The following DNAAF9 variants were observed in gnomAD, a reference collection of about 807,000 sequenced individuals.
DNAAF9 encodes the protein dynein axonemal assembly factor 9.
DNAAF9 carries 90 observed loss-of-function variants against 167.0 expected under a neutral mutation model. The ratio of observed to expected loss-of-function variants is 0.54; its 90% CI spans 0.45 to 0.64. The LOEUF (loss-of-function observed/expected upper bound fraction) is 0.64. DNAAF9 is among the 30% of genes least tolerant of loss of function. The pLI, the probability that DNAAF9 is intolerant of heterozygous loss-of-function variation, is 0.00. For synonymous variants in DNAAF9, 491 were observed against 508.8 expected, an observed-to-expected ratio of 0.96 and a Z score of 0.47; for missense variants, 1,315 against 1,442.2, an observed-to-expected ratio of 0.91 and a Z score of 1.43.
At chr20:3,332,561 C>G (rs944440343) in intron 10 of DNAAF9, among the ~76,000 whole-genome samples, 200 bp from the exon 11 acceptor site, 4 of 151,472 alleles carry the variant, frequency 2.6e-5, no homozygotes, top group African/African-American at 9.7e-5. Context: ...TCAAGTGATT[C>G]TCCTGCCTCA....
intron 6 of DNAAF9, among the ~76,000 whole-genome samples, chr20:3,373,061 A>G (rs1275461333): frequency 2.0e-5 from 3 of 152,180 alleles, no homozygotes; most frequent in Non-Finnish European, 4.4e-5. Context: ...ATGTTCTGCT[A>G]CTTGTAGTCA....
intron 25 of DNAAF9, among the ~76,000 whole-genome samples, chr20:3,291,205 T>G (rs558763136): frequency 6.6e-6 from 1 of 152,286 alleles, no homozygotes; most frequent in Admixed American, 6.5e-5. Context: ...ATAGGTCCCC[T>G]TTCAGGTAGA....
chr20:3,283,833 G>C (rs1040560163), intron 27 of DNAAF9, among the ~76,000 whole-genome samples: 2 of 152,204 alleles, frequency 1.3e-5, no homozygotes, highest in African/African-American at 4.8e-5. Flanking sequence ...AACGGAAAAG[G>C]ATTCACAAGT....
chr20:3,285,022 CACTCCCATTCTG>C (rs2068827079), intron 27 of DNAAF9, among the ~76,000 whole-genome samples: 1 of 152,166 alleles, frequency 6.6e-6, no homozygotes, highest in Admixed American at 6.5e-5. Context: ...TCCTGCCCTC[CACTCCCATTCTG>C]ACCTCTGTCA....
chr20:3,383,271 C>CTT lies in DNAAF9; in HGVS notation c.84-767_84-766dup, dbSNP rs11087581. On this transcript the variant is annotated intron_variant, in intron 1 of 36. Coordinates refer to ENST00000252032, the MANE Select transcript of DNAAF9 (RefSeq NM_001009984.3). ...TGCCTCTAATACTCATTCCCTAACA[C>CTT]TTTTTTTTTTTTTTTTTTTTGAGAT... Among the ~76,000 whole-genome samples, 422 of 114,322 alleles carry CTT rather than the reference C, an allele frequency of 3.7e-3. 11 individuals are homozygous for CTT. The highest frequency in any genetic ancestry group is 0.027 in the South Asian group (91 of 3,328). The allele number at this position is 114,322 out of a possible 152,430, so 75.0% of individuals were successfully genotyped here.
chr20:3,344,580 TACACACACATACAC>T (rs2070153606), intron 8 of DNAAF9, among the ~76,000 whole-genome samples: 1 of 98,284 alleles, frequency 1.0e-5, no homozygotes, highest in South Asian at 3.7e-4. Context: ...ATGGAAAAAA[TACACACACATACAC>T]ACACACACAC....
intron 1 of DNAAF9, among the ~76,000 whole-genome samples, chr20:3,404,970 G>A (rs1449501535): frequency 3.9e-5 from 6 of 152,154 alleles, no homozygotes; most frequent in Non-Finnish European, 8.8e-5. Context: ...TGACTGATGG[G>A]TGGCTGCCAT....
intron 25 of DNAAF9, among the ~76,000 whole-genome samples, chr20:3,291,970 A>G (rs2068963494): frequency 6.7e-6 from 1 of 149,978 alleles, no homozygotes; most frequent in South Asian, 2.1e-4. Context: ...ACAGCCAGAC[A>G]TGTTTTTACT....
At chr20:3,294,117 C>A (rs1158759822) in intron 25 of DNAAF9, 22 bp downstream of exon 25, 2 of 1,271,784 alleles carry the variant, frequency 1.6e-6, no homozygotes, top group Non-Finnish European at 1.1e-6. Flanking sequence ...GAATTCCCAG[C>A]ATATCTGGTG....
intron 24 of DNAAF9, 59 bp downstream of exon 24, chr20:3,294,469 G>A (rs2122935189): frequency 8.4e-7 from 1 of 1,190,604 alleles, no homozygotes; most frequent in Non-Finnish European, 1.3e-6. Context: ...CCAACACTGA[G>A]GTTTCCGACA....
intron 31 of DNAAF9, 34 bp from the exon 32 acceptor site, chr20:3,260,062 G>A (rs547015265): frequency 5.4e-5 from 70 of 1,295,622 alleles, no homozygotes; most frequent in South Asian, 1.8e-4. Context: ...AGTACAGGCC[G>A]GGCGCGGTGG....
At chr20:3,267,903 C>T (rs1490819906) in intron 30 of DNAAF9, among the ~76,000 whole-genome samples, 1 of 152,036 alleles carries the variant, frequency 6.6e-6, no homozygotes, top group Non-Finnish European at 1.5e-5. Flanking sequence ...AATCTCCTCT[C>T]TTCAATCAGT....
intron 10 of DNAAF9, among the ~76,000 whole-genome samples, chr20:3,335,779 T>A (rs1414466112): frequency 1.9e-5 from 2 of 104,386 alleles, no homozygotes; most frequent in Admixed American, 9.6e-5. Flanking sequence ...AAAAAAAAAA[T>A]TGTCTTCCCC....
At chr20:3,279,493 CT>C (rs1417820291) in intron 28 of DNAAF9, among the ~76,000 whole-genome samples, 3 of 152,194 alleles carry the variant, frequency 2.0e-5, no homozygotes, top group African/African-American at 7.2e-5. Flanking sequence ...GTGTGAGTTA[CT>C]TAACAACTGT....
chr20:3,277,075 C>G (rs2068686981), intron 29 of DNAAF9, among the ~76,000 whole-genome samples: 4 of 152,124 alleles, frequency 2.6e-5, no homozygotes, highest in Admixed American at 2.6e-4. Flanking sequence ...TGGAAGTATT[C>G]TCTAGCCATC....
chr20:3,292,367 A>AG (rs2068973300), intron 25 of DNAAF9, among the ~76,000 whole-genome samples: 1 of 152,216 alleles, frequency 6.6e-6, no homozygotes, highest in African/African-American at 2.4e-5. Context: ...CTCTTGCCTA[A>AG]GGGAAAAAAT....
chr20:3,371,545 G>A (rs965250726), intron 6 of DNAAF9, among the ~76,000 whole-genome samples: 8 of 151,560 alleles, frequency 5.3e-5, no homozygotes, highest in South Asian at 2.1e-4. Context: ...GGGTTTCACC[G>A]TGTTACCCAG....
Position 3,338,199 on chromosome 20 carries a change from G to C in DNAAF9, c.981+2305C>G, listed in dbSNP as rs987314805. Among the ~76,000 whole-genome samples, 7 of 151,820 alleles carry C rather than the reference G, an allele frequency of 4.6e-5. No individual in the cohort carries two copies. The East Asian group carries it at 1.2e-3, about 25-fold the overall frequency. Reference sequence around the variant, plus strand: ...TTGTTTGAGAAAGTATTTCTCTTTTGTTTCCTCCTTTTTCTTTTGAAGGAT... The same window carrying C: ...TTGTTTGAGAAAGTATTTCTCTTTTCTTTCCTCCTTTTTCTTTTGAAGGAT... On this transcript the variant is annotated intron_variant, in intron 10 of 36. Coordinates refer to ENST00000252032, the MANE Select transcript of DNAAF9 (RefSeq NM_001009984.3).
rs1324124710 is a variant in DNAAF9 at position 3,350,148 on chromosome 20, G to GACACACACACACAC, written c.691-1526_691-1525insGTGTGTGTGTGTGT. On this transcript the variant is annotated intron_variant, in intron 7 of 36. Transcript: ENST00000252032. ...AGACACACAGACACACAGACACACA[G>GACACACACACACAC]ACACACAGACACACACACACACACA... 5.9e-3 allele frequency among the ~76,000 whole-genome samples: 407 copies of GACACACACACACAC among 68,924 alleles called. 3 individuals are homozygous for GACACACACACACAC. Among genetic ancestry groups the GACACACACACACAC allele is most frequent in the Admixed American group, 7.6e-3 (49 of 6,442 alleles). The allele number at this position is 68,924 out of a possible 152,430, so 45.2% of individuals were successfully genotyped here.
Sources: gnomAD v4.1 joint callset for allele counts (sites outside exome capture counted in the v4.1 genomes callset) on GRCh38, gnomAD v4.1.1 for gene constraint, MANE v1.5 for transcripts, NCBI Gene and HGNC (gene_info 2026-07-23, HGNC 2026-07-21) for gene names.